Variants in CPXM2 observed in about 807,000 individuals in gnomAD.
The protein encoded by CPXM2 is carboxypeptidase X, M14 family member 2.
A neutral mutation model predicts 86.1 loss-of-function variants in CPXM2; 66 were observed. That is an observed-to-expected ratio of 0.77 (90% confidence interval 0.63 to 0.94). CPXM2 has a LOEUF of 0.94. Ranked by LOEUF, CPXM2 falls within the 40% of genes least tolerant of loss-of-function variation. The pLI, the probability that CPXM2 is intolerant of heterozygous loss-of-function variation, is 0.00. For synonymous variants in CPXM2, 388 were observed against 400.2 expected, an observed-to-expected ratio of 0.97 and a Z score of 0.36; for missense variants, 948 against 1,026.3, an observed-to-expected ratio of 0.92 and a Z score of 1.04.
Position 123,932,919 on chromosome 10 carries a change from G to T in CPXM2, n.174+6558C>A, listed in dbSNP as rs141505834. 1.1e-4 allele frequency among the ~76,000 whole-genome samples: 17 copies of T among 152,326 alleles called. No homozygotes were observed. The East Asian group carries it at 2.7e-3, about 24-fold the overall frequency. On this transcript the variant is annotated intron_variant and non_coding_transcript_variant, in intron 2 of 19. Transcript: ENST00000368854. ...CATGGGGGAGAGCTGGTTCTGTAAA[G>T]CATTGTAAGCCATAACAACTGGGTC... is the stretch of plus-strand genomic sequence containing the variant.
At chr10:123,775,795 C>T (rs141792434) in intron 7 of CPXM2, among the ~76,000 whole-genome samples, 177 of 152,276 alleles carry the variant, frequency 1.2e-3, no homozygotes, top group African/African-American at 3.5e-3. Flanking sequence ...TGCACGGTGG[C>T]CCTCTGCAAT....
chr10:123,906,149 C>T (rs1315572165), intron 2 of CPXM2, among the ~76,000 whole-genome samples: 1 of 152,156 alleles, frequency 6.6e-6, no homozygotes, highest in Non-Finnish European at 1.5e-5. Flanking sequence ...ACTCCGGATC[C>T]CCAAGTCCAT....
At chr10:123,943,027 G>A (rs1192588587), upstream of CPXM2, among the ~76,000 whole-genome samples, 3 of 152,128 alleles carry the variant, frequency 2.0e-5, no homozygotes, top group African/African-American at 4.8e-5. Flanking sequence ...AGGAGCAATC[G>A]ACTCTACCAT....
chr10:123,928,856 G>C (rs1945644516), intron 2 of CPXM2, among the ~76,000 whole-genome samples: 1 of 152,210 alleles, frequency 6.6e-6, no homozygotes, highest in Non-Finnish European at 1.5e-5. Flanking sequence ...CCAAATTACT[G>C]GTTCACAAAA....
intron 1 of CPXM2, among the ~76,000 whole-genome samples, chr10:123,887,737 C>T (rs1346148232): frequency 1.3e-5 from 2 of 152,044 alleles, no homozygotes; most frequent in Non-Finnish European, 1.5e-5. Flanking sequence ...AACAAACACA[C>T]AATTGGCCCA....
chr10:123,795,952 C>T (rs1288133114), intron 6 of CPXM2, among the ~76,000 whole-genome samples: 1 of 152,126 alleles, frequency 6.6e-6, no homozygotes, highest in East Asian at 1.9e-4. Flanking sequence ...AAAGCTGCGG[C>T]CCTACTTTTT....
In CPXM2 at chr10:123,762,118, C is replaced by G. The variant is rs763182723; in HGVS notation, c.1531G>C (p.Val511Leu). The change falls in exon 11 of 14, where the codon GTG becomes CTG. Residue 511 changes from valine (V) to leucine (L), a missense_variant. Coordinates refer to ENST00000241305, the MANE Select transcript of CPXM2 (RefSeq NM_198148.3). ...VIAWMEKIPF[V>L]LGGNLQGGEL... ...CCGCCCTGCAGGTTGCCGCCCAGCA[C>G]AAAAGGGATTTTTTCCATCCAGGCT... The G allele has an allele frequency of 1.2e-5, 20 of 1,614,012 alleles. No homozygotes were observed. Among genetic ancestry groups the G allele is most frequent in the Non-Finnish European group, 1.6e-5 (19 of 1,180,054 alleles).
upstream of CPXM2, among the ~76,000 whole-genome samples, chr10:123,893,236 C>G (rs1440034364): frequency 2.0e-5 from 3 of 152,192 alleles, no homozygotes; most frequent in African/African-American, 7.2e-5. Context: ...TGTCACCTTC[C>G]CAGTTCCTCT....
intron 11 of CPXM2, 106 bp downstream of exon 11, chr10:123,761,766 A>T (rs754357149): frequency 3.0e-5 from 35 of 1,158,416 alleles, no homozygotes; most frequent in Non-Finnish European, 4.2e-5. Context: ...CGTGGCAGCC[A>T]CCACTTAGTG....
chr10:123,918,977 C>T (rs936698277), intron 2 of CPXM2, among the ~76,000 whole-genome samples: 1 of 152,124 alleles, frequency 6.6e-6, no homozygotes, highest in Non-Finnish European at 1.5e-5. Context: ...AAGGGGGCCA[C>T]TGGGAGCTGG....
intron 3 of CPXM2, among the ~76,000 whole-genome samples, chr10:123,844,946 T>C (rs1404577753): frequency 6.6e-6 from 1 of 151,138 alleles, no homozygotes; most frequent in Non-Finnish European, 1.5e-5. Flanking sequence ...CTCACGTCTG[T>C]AACCCTAGCT....
chr10:123,755,751 A>G (rs1164345280), intron 12 of CPXM2, among the ~76,000 whole-genome samples: 2 of 152,218 alleles, frequency 1.3e-5, no homozygotes, highest in African/African-American at 4.8e-5. Context: ...ATGATGTGCC[A>G]ATCCAAGGTG....
chr10:123,880,646 G>A (rs1008561181), intron 1 of CPXM2, among the ~76,000 whole-genome samples: 7 of 151,744 alleles, frequency 4.6e-5, no homozygotes, highest in Non-Finnish European at 1.0e-4. Flanking sequence ...TGGCTAACAC[G>A]GTGAAACCCT....
intron 4 of CPXM2, among the ~76,000 whole-genome samples, chr10:123,831,120 C>A (rs1354452931): frequency 6.6e-6 from 1 of 152,166 alleles, no homozygotes; most frequent in Non-Finnish European, 1.5e-5. Context: ...TTACCTCCAG[C>A]AAAAATATCT....
chr10:123,862,972 G>T (rs57959403), intron 2 of CPXM2, among the ~76,000 whole-genome samples: 1 of 152,174 alleles, frequency 6.6e-6, no homozygotes, highest in East Asian at 1.9e-4. Context: ...ACTGTCTGAG[G>T]CTGTTCCCAA....
rs144999536 is a variant in CPXM2 at position 123,753,971 on chromosome 10, A to G, written c.2017+692T>C. Among the ~76,000 whole-genome samples the G allele has an allele frequency of 7.6e-3, 1,152 of 152,326 alleles. 14 individuals carry two copies. The highest frequency in any genetic ancestry group is 0.026 in the African/African-American group (1,089 of 41,572). ...CATCTAATGACAGCATCAAGAAAAT[A>G]CAATTTATGTGAGGAATGATGGAGT... is the stretch of plus-strand genomic sequence containing the variant. On this transcript the variant is annotated intron_variant, in intron 13 of 13. Coordinates refer to ENST00000241305, the MANE Select transcript of CPXM2 (RefSeq NM_198148.3).
At chr10:123,893,871 G>A (rs1945312673), upstream of CPXM2, among the ~76,000 whole-genome samples, 1 of 152,210 alleles carries the variant, frequency 6.6e-6, no homozygotes, top group Admixed American at 6.5e-5. Flanking sequence ...GGACTGCAGA[G>A]GCAGCCCAGG....
rs75434055 is a variant in CPXM2, at chr10:123,865,236, T to A, written c.404-2513A>T. Among the ~76,000 whole-genome samples, 1,744 of 152,326 alleles carry A rather than the reference T, an allele frequency of 0.011. 45 individuals carry two copies. The highest frequency in any genetic ancestry group is 0.04 in the African/African-American group (1,666 of 41,568). On this transcript the variant is annotated intron_variant, in intron 2 of 13. Transcript: ENST00000241305. The surrounding 1 kb of genome is among the most constrained non-coding windows in gnomAD (Gnocchi z 4.7). The stretch of plus-strand genomic sequence containing the variant: ...ATTTTTTGTCCTTATTAGAAGATGC[T>A]ATTTTTAGAGCCATTAATTTTGGTT...
At chr10:123,781,245 G>A (rs574350237) in intron 6 of CPXM2, among the ~76,000 whole-genome samples, 1 of 152,316 alleles carries the variant, frequency 6.6e-6, no homozygotes, top group African/African-American at 2.4e-5. Flanking sequence ...GATTCGGGGG[G>A]TCAGGGAGGC....
Sources: gnomAD v4.1 joint callset for allele counts (sites outside exome capture counted in the v4.1 genomes callset) on GRCh38, gnomAD v4.1.1 for gene constraint, Gnocchi (gnomAD v3.1) non-coding constraint, MANE v1.5 for transcripts, NCBI Gene and HGNC (gene_info 2026-07-23, HGNC 2026-07-21) for gene names.